The following OR2L13 variants were observed in gnomAD, a reference collection of about 807,000 sequenced individuals.
The protein encoded by OR2L13 is olfactory receptor family 2 subfamily L member 13.
Under a neutral mutation model 15.3 loss-of-function variants are expected in OR2L13, and 14 were observed. The observed-to-expected ratio is 0.91, with a 90% confidence interval of 0.60 to 1.43. The LOEUF is 1.43. OR2L13 is among the 40% of genes most tolerant of loss of function. OR2L13 has a pLI of 0.00. For missense variants in OR2L13, 367 were observed against 387.9 expected (o/e 0.95, Z 0.45); for synonymous variants, 152 against 142.9 (o/e 1.06, Z -0.45).
At chr1:248,038,801 T>C in the OR2L13 span, 1 of 1,614,094 alleles carries the variant, frequency 6.2e-7, no homozygotes, top group Non-Finnish European at 8.5e-7. Flanking sequence ...ATTTTTTCTG[T>C]GATGTTCCAG....
At chr1:248,049,071 A>G in the OR2L13 span, among the ~76,000 whole-genome samples, 1 of 152,146 alleles carries the variant, frequency 6.6e-6, no homozygotes, top group South Asian at 2.1e-4. Flanking sequence ...TATAGGGAGT[A>G]AAATCTGTGC....
At chr1:248,079,194 A>T in the OR2L13 span, among the ~76,000 whole-genome samples, 1 of 152,182 alleles carries the variant, frequency 6.6e-6, no homozygotes, top group Non-Finnish European at 1.5e-5. Flanking sequence ...CCTGGGTTTG[A>T]TAATGTACTA....
chr1:248,036,810 G>A, the OR2L13 span, among the ~76,000 whole-genome samples: 2 of 152,100 alleles, frequency 1.3e-5, no homozygotes. Context: ...TTTTGAAGAT[G>A]TAAAGTGATT....
chr1:248,010,763 G>GTTTTTTTTTTTTTTTTTTTTTTT, the OR2L13 span, among the ~76,000 whole-genome samples: 4 of 44,464 alleles, frequency 9.0e-5, no homozygotes, highest in African/African-American at 4.0e-4. Flanking sequence ...CTTTGTTGTT[G>GTTTTTTTTTTTTTTTTTTTTTTT]TTTTTTTTTT....
At chr1:248,060,745 A>G in the OR2L13 span, 1 of 1,613,836 alleles carries the variant, frequency 6.2e-7, no homozygotes, top group African/African-American at 1.3e-5. Context: ...ACCATCAAGA[A>G]TTGGCCTTTT....
the OR2L13 span, among the ~76,000 whole-genome samples, chr1:247,945,961 C>T: frequency 1.2e-3 from 176 of 152,186 alleles, 2 homozygotes; most frequent in Non-Finnish European, 7.8e-4. Flanking sequence ...ACATCTTAAC[C>T]GTATTAGCCT....
chr1:247,954,878 TACA>T, the OR2L13 span, among the ~76,000 whole-genome samples: 1 of 152,114 alleles, frequency 6.6e-6, no homozygotes, highest in South Asian at 2.1e-4. Context: ...ATGTATACAG[TACA>T]ACTTCTATTT....
chr1:247,987,352 T>C, the OR2L13 span, among the ~76,000 whole-genome samples: 1 of 149,708 alleles, frequency 6.7e-6, no homozygotes, highest in African/African-American at 2.6e-5. Flanking sequence ...TTAATTAAGA[T>C]AACTTTTTTT....
the OR2L13 span, among the ~76,000 whole-genome samples, chr1:248,089,939 G>GC: frequency 6.6e-6 from 1 of 152,028 alleles, no homozygotes; most frequent in African/African-American, 2.4e-5. Context: ...TGATGTGTGG[G>GC]CCCCCCACTT....
chr1:248,029,574 G>A, the OR2L13 span, among the ~76,000 whole-genome samples: 1 of 152,122 alleles, frequency 6.6e-6, no homozygotes, highest in African/African-American at 2.4e-5. Context: ...AAGAACCAGT[G>A]TGAACATATA....
At chr1:247,965,928 A>T in the OR2L13 span, 1 of 1,611,230 alleles carries the variant, frequency 6.2e-7, no homozygotes, top group Non-Finnish European at 8.5e-7. Flanking sequence ...TTCCAGCTCT[A>T]CTATCATTGG....
chr1:247,967,497 G>A, the OR2L13 span, among the ~76,000 whole-genome samples: 3 of 152,080 alleles, frequency 2.0e-5, no homozygotes, highest in African/African-American at 4.8e-5. Context: ...CCAAAGTGCT[G>A]GGATTACAGG....
At chr1:247,973,402 C>T in the OR2L13 span, among the ~76,000 whole-genome samples, 1 of 152,164 alleles carries the variant, frequency 6.6e-6, no homozygotes, top group East Asian at 1.9e-4. Context: ...CCAAAAACTC[C>T]TTAAGCTGAT....
the OR2L13 span, among the ~76,000 whole-genome samples, chr1:248,028,140 C>CA: frequency 0.085 from 3,191 of 37,618 alleles, 462 homozygotes; most frequent in African/African-American, 0.13. Flanking sequence ...GATTCCGTCT[C>CA]AAAAAAAAAA....
the OR2L13 span, among the ~76,000 whole-genome samples, chr1:247,976,063 G>A: frequency 6.6e-6 from 1 of 152,016 alleles, no homozygotes; most frequent in African/African-American, 2.4e-5. Context: ...TCTCTCAACC[G>A]GTGGGTATAG....
At chr1:248,005,819 C>T in the OR2L13 span, among the ~76,000 whole-genome samples, 1 of 152,156 alleles carries the variant, frequency 6.6e-6, no homozygotes, top group Non-Finnish European at 1.5e-5. Flanking sequence ...ATTTCTATTT[C>T]TAAGCCTGTG....
chr1:248,058,800 G>T, the OR2L13 span, among the ~76,000 whole-genome samples: 1 of 151,960 alleles, frequency 6.6e-6, no homozygotes, highest in South Asian at 2.1e-4. Context: ...AAGTCCTTAA[G>T]CACATATTGT....
chr1:248,084,095 G>A, the OR2L13 span: 1,567 of 1,610,822 alleles, frequency 9.7e-4, no homozygotes, highest in African/African-American at 0.014. Context: ...CGTGTGCACC[G>A]CAATATGGGA....
chr1:248,082,699 C>T, the OR2L13 span, among the ~76,000 whole-genome samples: 11 of 152,134 alleles, frequency 7.2e-5, no homozygotes, highest in African/African-American at 2.7e-4. Context: ...TTTGCAAACC[C>T]CAAACCTTTA....
Sources: gnomAD v4.1 joint callset for allele counts (sites outside exome capture counted in the v4.1 genomes callset) on GRCh38, gnomAD v4.1.1 for gene constraint, MANE v1.5 for transcripts, NCBI Gene and HGNC (gene_info 2026-07-23, HGNC 2026-07-21) for gene names.